ZBTB20: variants seen among roughly 807,000 people sequenced by gnomAD.
ZBTB20 encodes the protein zinc finger and BTB domain containing 20.
In ZBTB20, 9 loss-of-function variants were observed where a neutral mutation model predicts 56.9. The observed-to-expected ratio is 0.16, with a 90% confidence interval of 0.10 to 0.28. ZBTB20 has a LOEUF of 0.28. Among genes scored for constraint, ZBTB20 ranks in the 10% least tolerant of loss-of-function variants. ZBTB20 has a pLI of 1.00. For synonymous variants in ZBTB20, 417 were observed against 420.7 expected (o/e 0.99, Z 0.11); for missense variants, 655 against 1,003.0 (o/e 0.65, Z 4.69).
In ZBTB20 at chr3:114,391,951, T is replaced by A. The variant is rs541865075; in HGVS notation, c.-254-2846A>T. ...GACCAGAGAGAGGGAGGTTGGGGTG[T>A]GTAACCTGCAAAAATATATTGTGTT... On this transcript the variant is annotated intron_variant, in intron 7 of 11. Coordinates refer to ENST00000675478, the MANE Select transcript of ZBTB20 (RefSeq NM_001348800.3). Among the ~76,000 whole-genome samples the A allele has an allele frequency of 9.8e-5, 15 of 152,342 alleles. No homozygotes were observed. The South Asian group carries it at 3.1e-3, about 32-fold the overall frequency.
intron 3 of ZBTB20, among the ~76,000 whole-genome samples, chr3:114,938,720 T>C (rs1217996291): frequency 2.1e-5 from 3 of 145,408 alleles, no homozygotes; most frequent in East Asian, 3.9e-4. Context: ...ATACCTAATG[T>C]AGATGACAGG....
intron 7 of ZBTB20, among the ~76,000 whole-genome samples, chr3:114,472,968 G>A (rs552082970): frequency 6.6e-5 from 10 of 152,112 alleles, no homozygotes; most frequent in African/African-American, 2.2e-4. Context: ...TTTATTTCAC[G>A]CTAAACCTGT....
chr3:115,023,374 TTTTTG>T (rs1414125030), intron 2 of ZBTB20, among the ~76,000 whole-genome samples: 1 of 150,888 alleles, frequency 6.6e-6, no homozygotes. Flanking sequence ...AAACTCTCTT[TTTTTG>T]TTTTGTTTTT....
At chr3:114,536,346 C>T (rs907696588) in intron 6 of ZBTB20, among the ~76,000 whole-genome samples, 20 of 151,234 alleles carry the variant, frequency 1.3e-4, no homozygotes, top group African/African-American at 4.8e-4. Flanking sequence ...TTCCTATACA[C>T]CAATAACAGA....
In ZBTB20 at chr3:114,335,100, TA is replaced by T. The variant is rs895472375; in HGVS notation, c.*3904del. The T allele has an allele frequency of 3.9e-5, 6 of 152,160 alleles. No homozygotes were observed. The highest frequency in any genetic ancestry group is 1.4e-4 in the African/African-American group (6 of 41,434). 9.4% of individuals were successfully genotyped at this position (152,160 alleles called of 1,614,324 possible). A position where few individuals can be genotyped will look rare whatever the true frequency, so the allele number is the denominator to read the frequency against. On this transcript the variant is annotated 3_prime_UTR_variant, in exon 12 of 12. Transcript: ENST00000675478. ...ATATTATTTTTTTATAAACCATATC[TA>T]AATATCTTGAGATAAAAATTCCCCT...
intron 5 of ZBTB20, among the ~76,000 whole-genome samples, chr3:114,745,836 TAGAG>T (rs1405625584): frequency 3.3e-5 from 5 of 152,174 alleles, no homozygotes; most frequent in African/African-American, 7.2e-5. Flanking sequence ...CTTTGGATTC[TAGAG>T]AATGATTTAT....
intron 3 of ZBTB20, among the ~76,000 whole-genome samples, chr3:114,911,489 T>C (rs1029903280): frequency 2.6e-5 from 4 of 152,024 alleles, no homozygotes; most frequent in Middle Eastern, 3.4e-3. Flanking sequence ...TCCAATGAGA[T>C]GTAGAAAACA....
At chr3:114,642,983 A>G (rs920303796) in intron 6 of ZBTB20, among the ~76,000 whole-genome samples, 4 of 152,090 alleles carry the variant, frequency 2.6e-5, no homozygotes, top group Non-Finnish European at 5.9e-5. Flanking sequence ...AGGTTGCAAA[A>G]TTTGAATTAG....
chr3:114,444,798 A>G (rs1052658951), intron 7 of ZBTB20, among the ~76,000 whole-genome samples: 16 of 152,160 alleles, frequency 1.1e-4, no homozygotes, highest in African/African-American at 3.6e-4. Flanking sequence ...TTCCTGGTTC[A>G]CAGAATGCAA....
intron 7 of ZBTB20, among the ~76,000 whole-genome samples, chr3:114,410,675 T>G (rs1576636647): frequency 1.3e-5 from 2 of 152,156 alleles, no homozygotes; most frequent in East Asian, 3.9e-4. Context: ...AGAGCGCTGG[T>G]TCCAGCAGGT....
At position 114,321,623 on chromosome 3, in the gene ZBTB20, G is replaced by T. The variant is rs1353654326; in HGVS notation, c.*17382C>A. 1.3e-5 allele frequency: 2 copies of T among 152,250 alleles called. No homozygotes were observed. The highest frequency in any genetic ancestry group is 3.8e-4 in the East Asian group (2 of 5,204). 9.4% of individuals were successfully genotyped at this position (152,250 alleles called of 1,614,324 possible). ...AAATAAAGAGAAAGAACTGGTAAGA[G>T]TTGAGCTCGGTAGCCAACTAGTGTG... is the stretch of plus-strand genomic sequence containing the variant. On this transcript the variant is annotated 3_prime_UTR_variant, in exon 12 of 12. Transcript: ENST00000675478.
At chr3:114,353,958 T>A (rs895701560) in intron 10 of ZBTB20, among the ~76,000 whole-genome samples, 1 of 152,196 alleles carries the variant, frequency 6.6e-6, no homozygotes, top group African/African-American at 2.4e-5. Context: ...CTTAACTGCT[T>A]CATTATATTG....
intron 6 of ZBTB20, among the ~76,000 whole-genome samples, chr3:114,506,025 T>C (rs1242212992): frequency 1.3e-5 from 2 of 152,124 alleles, no homozygotes; most frequent in African/African-American, 4.8e-5. Flanking sequence ...ACCTGTGCCA[T>C]CACTCTCTAG....
Position 115,035,544 on chromosome 3 carries a change from AAC to A in ZBTB20, c.-507+35673_-507+35674del, listed in dbSNP as rs111286494. 7.9e-3 allele frequency among the ~76,000 whole-genome samples: 1,160 copies of A among 147,316 alleles called. 3 individuals carry two copies. The highest frequency in any genetic ancestry group is 0.011 in the Middle Eastern group (3 of 282). ...ACACCAATTAGAATTGCTACTATCAAACACACACACACACACACACACACACA... is the reference window on the plus strand; with the variant it reads ...ACACCAATTAGAATTGCTACTATCAAACACACACACACACACACACACACA... On this transcript the variant is annotated intron_variant, in intron 2 of 11. Transcript: ENST00000675478.
intron 5 of ZBTB20, among the ~76,000 whole-genome samples, chr3:114,715,600 C>T (rs1468028911): frequency 2.6e-5 from 4 of 152,218 alleles, no homozygotes; most frequent in Non-Finnish European, 4.4e-5. Flanking sequence ...AACAGGTGAA[C>T]GTTAAAGTCA....
At chr3:114,360,894 C>T (rs1039187757) in intron 10 of ZBTB20, among the ~76,000 whole-genome samples, 36 of 151,906 alleles carry the variant, frequency 2.4e-4, no homozygotes, top group African/African-American at 8.5e-4. Flanking sequence ...GACCTAAGTT[C>T]CTTTTTGGCT....
intron 3 of ZBTB20, among the ~76,000 whole-genome samples, chr3:114,905,739 A>G (rs1399186531): frequency 6.6e-6 from 1 of 151,894 alleles, no homozygotes; most frequent in Non-Finnish European, 1.5e-5. Context: ...CTTAATCAGT[A>G]CAAACTTAAA....
chr3:114,529,470 C>T (rs1035839566), intron 6 of ZBTB20: 7 of 152,230 alleles, frequency 4.6e-5, no homozygotes, highest in Middle Eastern at 3.4e-3. Flanking sequence ...GTTCTCTCTC[C>T]GAGACATTAT....
At chr3:114,481,252 C>T (rs957571558) in intron 7 of ZBTB20, among the ~76,000 whole-genome samples, 3 of 122,528 alleles carry the variant, frequency 2.4e-5, no homozygotes, top group Non-Finnish European at 5.0e-5. Flanking sequence ...ATCGAATCTA[C>T]AAAAGGATAC....
Sources: gnomAD v4.1 joint callset for allele counts (sites outside exome capture counted in the v4.1 genomes callset) on GRCh38, gnomAD v4.1.1 for gene constraint, MANE v1.5 for transcripts, NCBI Gene and HGNC (gene_info 2026-07-23, HGNC 2026-07-21) for gene names.